The following VRK2 variants were observed in gnomAD, a reference collection of about 807,000 sequenced individuals.
VRK2 encodes the protein serine/threonine-protein kinase VRK2.
In VRK2, 60 loss-of-function variants were observed where a neutral mutation model predicts 57.6. The observed-to-expected ratio is 1.04, with a 90% CI of 0.85 to 1.29. The LOEUF is 1.29. Ranked by LOEUF, VRK2 falls within the 50% of genes most tolerant of loss-of-function variation. The probability of loss-of-function intolerance (pLI) is 0.00; values close to 1 mark genes in which losing one functional copy is unlikely to be tolerated. For synonymous variants in VRK2, 231 were observed against 199.2 expected (o/e 1.16, Z -1.35); for missense variants, 705 against 588.1 (o/e 1.20, Z -2.06).
At chr2:57,987,104 T>C (rs1358984515) in intron 1 of VRK2, among the ~76,000 whole-genome samples, 1 of 151,606 alleles carries the variant, frequency 6.6e-6, no homozygotes, top group Non-Finnish European at 1.5e-5. Flanking sequence ...AGAGAAAACA[T>C]CCATAGGAAA....
intron 1 of VRK2, 85 bp from the exon 2 acceptor site, chr2:58,048,742 T>A (rs1675257559): frequency 1.3e-6 from 2 of 1,537,068 alleles, no homozygotes; most frequent in South Asian, 2.5e-5. Context: ...AGTTCCCTAT[T>A]GAAGACATTT....
At chr2:57,939,297 T>C (rs1413027535) in intron 1 of VRK2, among the ~76,000 whole-genome samples, 1 of 152,210 alleles carries the variant, frequency 6.6e-6, no homozygotes, top group African/African-American at 2.4e-5. Flanking sequence ...TTTTCCAAAG[T>C]TGGTGTAATT....
intron 1 of VRK2, among the ~76,000 whole-genome samples, chr2:57,990,213 G>A (rs1047851773): frequency 2.4e-4 from 36 of 152,184 alleles, no homozygotes; most frequent in Admixed American, 1.6e-3. Flanking sequence ...TGAAAAGGGG[G>A]TAGGAAATCA....
intron 1 of VRK2, among the ~76,000 whole-genome samples, chr2:57,920,058 G>A (rs1670289820): frequency 6.6e-6 from 1 of 151,888 alleles, no homozygotes; most frequent in Admixed American, 6.6e-5. Context: ...TTGATTTTTG[G>A]TGTTGAGAAT....
intron 7 of VRK2, among the ~76,000 whole-genome samples, chr2:58,102,821 A>C (rs1365178010): frequency 1.3e-4 from 20 of 151,678 alleles, no homozygotes; most frequent in Non-Finnish European, 1.5e-5. Flanking sequence ...TCCAAGATAG[A>C]CTGTATGTTA....
chr2:57,991,277 G>A (rs1672758237), intron 1 of VRK2, among the ~76,000 whole-genome samples: 1 of 151,854 alleles, frequency 6.6e-6, no homozygotes, highest in Non-Finnish European at 1.5e-5. Flanking sequence ...ATATCGTAAT[G>A]TGGTAGCAGT....
chr2:58,020,971 A>G (rs551518200), intron 1 of VRK2, among the ~76,000 whole-genome samples: 1 of 152,336 alleles, frequency 6.6e-6, no homozygotes, highest in African/African-American at 2.4e-5. Flanking sequence ...AAAAATGGAT[A>G]AAACTAAAAA....
chr2:58,024,419 A>G (rs908767343), intron 1 of VRK2, among the ~76,000 whole-genome samples: 2 of 152,206 alleles, frequency 1.3e-5, no homozygotes, highest in South Asian at 2.1e-4. Context: ...GTGCTATTAC[A>G]TTAAAATAAT....
At chr2:58,091,704 A>T (rs994591222) in intron 7 of VRK2, among the ~76,000 whole-genome samples, 1 of 152,084 alleles carries the variant, frequency 6.6e-6, no homozygotes, top group African/African-American at 2.4e-5. Flanking sequence ...TAAAAAAAAA[A>T]TTAAGAAAAA....
intron 8 of VRK2, among the ~76,000 whole-genome samples, chr2:58,130,006 T>G (rs1404586808): frequency 2.0e-5 from 3 of 152,196 alleles, no homozygotes; most frequent in African/African-American, 7.2e-5. Flanking sequence ...GAAGTAAAGT[T>G]AACTCTCAAA....
rs115728925 is a variant in VRK2 at position 57,958,470 on chromosome 2, T to G, written c.-439+50631T>G. Among the ~76,000 whole-genome samples, 6 of 151,432 alleles carry G rather than the reference T, an allele frequency of 4.0e-5. No individual in the cohort carries two copies. The East Asian group carries it at 1.2e-3, about 29-fold the overall frequency. ...ATTTGTATATATATACATGTATATA[T>G]ACACACACACATATATCATATATGT... On this transcript the variant is annotated intron_variant, in intron 1 of 15. Transcript: ENST00000417641.
intron 1 of VRK2, among the ~76,000 whole-genome samples, chr2:57,947,185 T>C (rs1312765762): frequency 6.6e-6 from 1 of 152,132 alleles, no homozygotes; most frequent in Non-Finnish European, 1.5e-5. Context: ...GTGTAATATG[T>C]AAGCAACTAC....
intron 1 of VRK2, among the ~76,000 whole-genome samples, chr2:57,999,046 G>T (rs1339954599): frequency 6.6e-6 from 1 of 151,766 alleles, no homozygotes; most frequent in African/African-American, 2.4e-5. Flanking sequence ...CTGGACAGTT[G>T]TTACATTATA....
intron 1 of VRK2, among the ~76,000 whole-genome samples, chr2:57,980,822 G>C (rs1334993495): frequency 3.9e-5 from 6 of 151,932 alleles, no homozygotes; most frequent in Admixed American, 2.0e-4. Context: ...TTGGTTTCAA[G>C]TCTGTTTTGC....
At chr2:58,137,556 T>G (rs573254418) in intron 10 of VRK2, among the ~76,000 whole-genome samples, 1 of 152,186 alleles carries the variant, frequency 6.6e-6, no homozygotes, top group African/African-American at 2.4e-5. Flanking sequence ...ACTTTAATAT[T>G]ACATGAAGGT....
intron 1 of VRK2, among the ~76,000 whole-genome samples, chr2:57,944,606 G>A (rs1029429875): frequency 4.6e-5 from 7 of 152,068 alleles, no homozygotes; most frequent in African/African-American, 1.4e-4. Context: ...CGTGGTGGCG[G>A]GCGCCTGTAA....
In VRK2 at chr2:57,978,968, C is replaced by A. The variant is rs749734222; in HGVS notation, c.-438-46697C>A. On this transcript the variant is annotated intron_variant, in intron 1 of 15. Coordinates refer to the VRK2 transcript ENST00000417641. ...GCTTCCAGTTTCATCTATGTCCCTG[C>A]AAAGGATATGATCTATTGTTTCCTG... 2.5e-4 allele frequency among the ~76,000 whole-genome samples: 38 copies of A among 151,076 alleles called. 1 individual carries two copies. The highest frequency in any genetic ancestry group is 4.6e-4 in the Admixed American group (7 of 15,252).
intron 9 of VRK2, 101 bp downstream of exon 9, chr2:58,132,029 A>T (rs1250281569): frequency 7.0e-7 from 1 of 1,422,508 alleles, no homozygotes; most frequent in Non-Finnish European, 9.5e-7. Flanking sequence ...ACCCAACATG[A>T]CAACCAAAGC....
intron 1 of VRK2, among the ~76,000 whole-genome samples, chr2:57,943,161 T>G (rs1400060890): frequency 2.0e-5 from 3 of 152,214 alleles, no homozygotes; most frequent in African/African-American, 4.8e-5. Flanking sequence ...TCAAACTGAA[T>G]GCTTGAATAC....
Sources: gnomAD v4.1 joint callset for allele counts (sites outside exome capture counted in the v4.1 genomes callset) on GRCh38, gnomAD v4.1.1 for gene constraint, MANE v1.5 for transcripts, NCBI Gene and HGNC (gene_info 2026-07-23, HGNC 2026-07-21) for gene names.